LPAR3: variants seen among roughly 807,000 people sequenced by gnomAD.
The protein encoded by LPAR3 is LPA receptor 3.
Under a neutral mutation model 17.8 loss-of-function variants are expected in LPAR3, and 7 were observed. That is an observed-to-expected ratio of 0.39 (90% CI 0.22 to 0.74). LPAR3 has a LOEUF of 0.74. Ranked by LOEUF, LPAR3 falls within the 30% of genes least tolerant of loss-of-function variation. LPAR3 has a pLI of 0.40. For missense variants in LPAR3, 391 were observed against 453.4 expected, an observed-to-expected ratio of 0.86 and a Z score of 1.25; for synonymous variants, 179 against 179.9, an observed-to-expected ratio of 0.99 and a Z score of 0.04.
intron 1 of LPAR3, among the ~76,000 whole-genome samples, chr1:84,866,820 G>C (rs947130931): frequency 2.0e-5 from 3 of 152,136 alleles, no homozygotes; most frequent in African/African-American, 7.2e-5. Flanking sequence ...TGCAGGGATG[G>C]AGACTTTGGT....
chr1:84,866,204 T>A, intron 1 of LPAR3, 66 bp from the exon 2 acceptor site: 4 of 1,266,286 alleles, frequency 3.2e-6, no homozygotes, highest in Non-Finnish European at 4.4e-6. Flanking sequence ...CATCAATTGC[T>A]GTTTCTAAGC....
chr1:84,818,209 G>T (rs1658979352), intron 2 of LPAR3, among the ~76,000 whole-genome samples: 1 of 152,152 alleles, frequency 6.6e-6, no homozygotes, highest in South Asian at 2.1e-4. Flanking sequence ...CAAGATCATT[G>T]CTCAATAAAA....
chr1:84,816,276 G>C (rs1328653240), intron 2 of LPAR3, among the ~76,000 whole-genome samples: 1 of 152,212 alleles, frequency 6.6e-6, no homozygotes, highest in African/African-American at 2.4e-5. Context: ...AATTGTGTCT[G>C]AGAAACAAAC....
chr1:84,824,441 T>C (rs887505030), intron 2 of LPAR3, among the ~76,000 whole-genome samples: 1 of 152,182 alleles, frequency 6.6e-6, no homozygotes, highest in Non-Finnish European at 1.5e-5. Flanking sequence ...AAGCAGTCTC[T>C]GGCAATCAAA....
intron 1 of LPAR3, among the ~76,000 whole-genome samples, chr1:84,879,856 T>C (rs1660331224): frequency 6.6e-6 from 1 of 152,202 alleles, no homozygotes; most frequent in Admixed American, 6.5e-5. Context: ...AGGCCTGTGA[T>C]CCACTTTGAA....
At chr1:84,874,289 G>T (rs1660214596) in intron 1 of LPAR3, among the ~76,000 whole-genome samples, 1 of 152,184 alleles carries the variant, frequency 6.6e-6, no homozygotes, top group African/African-American at 2.4e-5. Flanking sequence ...TGCAGCCTGA[G>T]CTCAGCAGAA....
At chr1:84,859,636 C>A (rs894652292) in intron 2 of LPAR3, among the ~76,000 whole-genome samples, 5 of 152,174 alleles carry the variant, frequency 3.3e-5, no homozygotes, top group Non-Finnish European at 7.3e-5. Flanking sequence ...CACACTCTGA[C>A]ATTTTCTCTT....
chr1:84,827,995 A>T (rs1659194958), intron 2 of LPAR3, among the ~76,000 whole-genome samples: 1 of 152,210 alleles, frequency 6.6e-6, no homozygotes. Context: ...CAGCTAAACC[A>T]AAAGAAGAAG....
At chr1:84,872,635 G>A (rs879319508) in intron 1 of LPAR3, among the ~76,000 whole-genome samples, 6 of 152,154 alleles carry the variant, frequency 3.9e-5, no homozygotes, top group Non-Finnish European at 7.3e-5. Context: ...TAAATGGAAA[G>A]ATGAGACAAA....
chr1:84,845,287 T>C (rs538447528), intron 2 of LPAR3, among the ~76,000 whole-genome samples: 67 of 152,360 alleles, frequency 4.4e-4, no homozygotes, highest in Non-Finnish European at 7.8e-4. Context: ...GTTAGCATTC[T>C]ACCTGTATTT....
At chr1:84,860,734 ATT>A (rs35354113) in intron 2 of LPAR3, among the ~76,000 whole-genome samples, 1,919 of 113,448 alleles carry the variant, frequency 0.017, 14 homozygotes, top group East Asian at 0.034. Context: ...TTAGGATTTA[ATT>A]TTTTTTTTTT....
intron 2 of LPAR3, among the ~76,000 whole-genome samples, chr1:84,840,516 A>C (rs749858142): frequency 6.6e-5 from 10 of 152,232 alleles, no homozygotes; most frequent in Non-Finnish European, 1.5e-4. Context: ...CCTGAAGAGG[A>C]AACAATCCAG....
chr1:84,870,065 T>A (rs531947920), intron 1 of LPAR3, among the ~76,000 whole-genome samples: 1 of 152,330 alleles, frequency 6.6e-6, no homozygotes, highest in African/African-American at 2.4e-5. Context: ...CCAAAAATTT[T>A]TAGCAAGCTT....
intron 2 of LPAR3, among the ~76,000 whole-genome samples, chr1:84,857,580 T>C (rs910912911): frequency 6.6e-6 from 1 of 152,248 alleles, no homozygotes; most frequent in African/African-American, 2.4e-5. Flanking sequence ...GTCACTAGCA[T>C]GCTGCAAAAC....
chr1:84,884,510 A>G (rs2102773915), intron 1 of LPAR3, among the ~76,000 whole-genome samples: 1 of 152,338 alleles, frequency 6.6e-6, no homozygotes, highest in Middle Eastern at 3.4e-3. Context: ...AGGAAAATCT[A>G]TATAATCAAA....
At chr1:84,853,135 G>C (rs1659752771) in intron 2 of LPAR3, among the ~76,000 whole-genome samples, 1 of 150,874 alleles carries the variant, frequency 6.6e-6, no homozygotes, top group Non-Finnish European at 1.5e-5. Flanking sequence ...AAGAACAAAA[G>C]TCTGGTAGTG....
At chr1:84,870,673 C>T (rs1660143457) in intron 1 of LPAR3, among the ~76,000 whole-genome samples, 1 of 152,104 alleles carries the variant, frequency 6.6e-6, no homozygotes, top group Admixed American at 6.6e-5. Context: ...GGTATCCTCC[C>T]AACAATGATG....
At chr1:84,892,536 G>T (rs1345627992) in intron 1 of LPAR3, among the ~76,000 whole-genome samples, 1 of 152,210 alleles carries the variant, frequency 6.6e-6, no homozygotes, top group African/African-American at 2.4e-5. Flanking sequence ...CCTGCACATG[G>T]TTCAAGCTGT....
chr1:84,843,365 C>T (rs1350295755), intron 2 of LPAR3, among the ~76,000 whole-genome samples: 6 of 152,198 alleles, frequency 3.9e-5, no homozygotes, highest in Non-Finnish European at 4.4e-5. Context: ...TTGTGACCAC[C>T]TTCCAACAAA....
Sources: gnomAD v4.1 joint callset for allele counts (sites outside exome capture counted in the v4.1 genomes callset) on GRCh38, gnomAD v4.1.1 for gene constraint, MANE v1.5 for transcripts, NCBI Gene and HGNC (gene_info 2026-07-23, HGNC 2026-07-21) for gene names.